Variants in ZNF385B observed in about 807,000 individuals in gnomAD.
ZNF385B encodes the protein zinc finger protein 533.
In ZNF385B, 23 loss-of-function variants were observed where a neutral mutation model predicts 39.2. The observed-to-expected ratio is 0.59, with a 90% CI of 0.42 to 0.83. The LOEUF (loss-of-function observed/expected upper bound fraction) is 0.83, where lower values mean the gene tolerates loss of function less well. ZNF385B is among the 40% of genes least tolerant of loss of function. ZNF385B has a pLI of 0.00. For missense variants in ZNF385B, 552 were observed against 598.9 expected (o/e 0.92, Z 0.82); for synonymous variants, 205 against 222.6 (o/e 0.92, Z 0.70).
intron 3 of ZNF385B, among the ~76,000 whole-genome samples, chr2:179,692,444 T>G (rs189965235): frequency 1.3e-5 from 2 of 152,314 alleles, no homozygotes. Context: ...TGTTCATTAC[T>G]GCTCCAAATC....
chr2:179,735,390 T>C (rs1428340639), intron 3 of ZNF385B, among the ~76,000 whole-genome samples: 9 of 138,964 alleles, frequency 6.5e-5, no homozygotes, highest in African/African-American at 2.4e-4. Flanking sequence ...CAACAGGTGC[T>C]GGAGAGGATG....
At chr2:179,760,223 CGTGTGTGTGTGTGTGT>C (rs1553525685) in intron 3 of ZNF385B, among the ~76,000 whole-genome samples, 1 of 144,476 alleles carries the variant, frequency 6.9e-6, no homozygotes, top group African/African-American at 2.6e-5. Context: ...TTCCTGTGTG[CGTGTGTGTGTGTGTGT>C]GTGTGTGTGT....
At chr2:179,744,617 A>G (rs894091239) in intron 3 of ZNF385B, among the ~76,000 whole-genome samples, 3 of 152,108 alleles carry the variant, frequency 2.0e-5, no homozygotes, top group African/African-American at 7.2e-5. Flanking sequence ...GCCTTCTATC[A>G]AACAAATACA....
chr2:179,859,439 C>A (rs1352760589), intron 1 of ZNF385B, among the ~76,000 whole-genome samples: 1 of 152,024 alleles, frequency 6.6e-6, no homozygotes, highest in Admixed American at 6.5e-5. Flanking sequence ...AAATAATATA[C>A]TGCAAACAAA....
At chr2:179,661,630 C>T (rs917578924) in intron 3 of ZNF385B, among the ~76,000 whole-genome samples, 14 of 152,194 alleles carry the variant, frequency 9.2e-5, no homozygotes, top group African/African-American at 2.9e-4. Context: ...GTTACCCTAA[C>T]ATCTAGGATG....
chr2:179,702,823 T>C (rs1699311110), intron 3 of ZNF385B, among the ~76,000 whole-genome samples: 1 of 152,220 alleles, frequency 6.6e-6, no homozygotes, highest in African/African-American at 2.4e-5. Flanking sequence ...ATTTTTATTG[T>C]TTTTAAGTTT....
chr2:179,714,717 G>A (rs570301653), intron 3 of ZNF385B, among the ~76,000 whole-genome samples: 2 of 151,970 alleles, frequency 1.3e-5, no homozygotes, highest in Admixed American at 6.5e-5. Context: ...AGGGGGAGGC[G>A]GGCGGATCAC....
At chr2:179,693,722 C>T (rs1034281143) in intron 3 of ZNF385B, among the ~76,000 whole-genome samples, 3 of 152,126 alleles carry the variant, frequency 2.0e-5, no homozygotes, top group African/African-American at 7.2e-5. Flanking sequence ...AACAGATTGA[C>T]AGAACCAAGA....
At chr2:179,693,503 A>G (rs1198085318) in intron 3 of ZNF385B, among the ~76,000 whole-genome samples, 3 of 152,240 alleles carry the variant, frequency 2.0e-5, no homozygotes, top group Non-Finnish European at 4.4e-5. Context: ...ATAATGCAAT[A>G]ATGAATTATT....
At chr2:179,765,306 C>T (rs771473110) in intron 3 of ZNF385B, among the ~76,000 whole-genome samples, 2 of 152,074 alleles carry the variant, frequency 1.3e-5, no homozygotes, top group Non-Finnish European at 2.9e-5. Context: ...ATAATTTATG[C>T]TGCCTAGTAC....
intron 4 of ZNF385B, among the ~76,000 whole-genome samples, chr2:179,540,692 T>C (rs999362227): frequency 2.0e-5 from 3 of 152,162 alleles, no homozygotes; most frequent in Non-Finnish European, 4.4e-5. Context: ...ACACCCATCA[T>C]ACTAAAATGA....
intron 1 of ZNF385B, among the ~76,000 whole-genome samples, chr2:179,852,558 G>A (rs1399275280): frequency 2.6e-5 from 4 of 152,152 alleles, no homozygotes. Flanking sequence ...TACTGCGGCA[G>A]GCGTCCAGTG....
chr2:179,535,367 A>G (rs549931842), intron 4 of ZNF385B, among the ~76,000 whole-genome samples: 1 of 152,216 alleles, frequency 6.6e-6, no homozygotes, highest in Non-Finnish European at 1.5e-5. Context: ...AATATTTCGC[A>G]CATGAATAAC....
intron 1 of ZNF385B, among the ~76,000 whole-genome samples, chr2:179,790,326 TTGAC>T (rs1705252004): frequency 1.3e-5 from 2 of 152,204 alleles, no homozygotes; most frequent in Admixed American, 1.3e-4. Context: ...ATTGTTGTTA[TTGAC>T]TGACAGTGAC....
intron 3 of ZNF385B, among the ~76,000 whole-genome samples, chr2:179,644,443 C>T (rs980807851): frequency 3.9e-5 from 6 of 152,132 alleles, no homozygotes; most frequent in African/African-American, 1.4e-4. Context: ...ACATGCTCTG[C>T]ATCGAAGTTA....
chr2:179,721,179 A>G (rs1360031812), intron 3 of ZNF385B, among the ~76,000 whole-genome samples: 1 of 151,978 alleles, frequency 6.6e-6, no homozygotes. Flanking sequence ...GAATACACAA[A>G]TCAACAATGT....
chr2:179,696,392 C>G (rs889030501), intron 3 of ZNF385B, among the ~76,000 whole-genome samples: 2 of 114,630 alleles, frequency 1.7e-5, no homozygotes, highest in African/African-American at 6.7e-5. Context: ...CACCTCTAAC[C>G]TCACCCAAGT....
intron 3 of ZNF385B, among the ~76,000 whole-genome samples, chr2:179,722,841 A>G (rs968486134): frequency 2.6e-5 from 4 of 152,186 alleles, no homozygotes; most frequent in African/African-American, 9.6e-5. Flanking sequence ...TAGCTCTACT[A>G]TATGACTACT....
intron 4 of ZNF385B, among the ~76,000 whole-genome samples, chr2:179,526,862 T>G (rs909061385): frequency 2.0e-5 from 3 of 152,194 alleles, no homozygotes; most frequent in African/African-American, 7.2e-5. Context: ...GATGGTTTCT[T>G]CAAGAATCCC....
Sources: gnomAD v4.1 joint callset for allele counts (sites outside exome capture counted in the v4.1 genomes callset) on GRCh38, gnomAD v4.1.1 for gene constraint, MANE v1.5 for transcripts, NCBI Gene and HGNC (gene_info 2026-07-23, HGNC 2026-07-21) for gene names.